The following DIP2C variants were observed in gnomAD, a reference collection of about 807,000 sequenced individuals.
DIP2C encodes DIP2 acetate--CoA ligase C (putative).
A neutral mutation model predicts 192.4 loss-of-function variants in DIP2C; 33 were observed. The observed-to-expected ratio is 0.17, with a 90% CI of 0.13 to 0.23. DIP2C has a LOEUF of 0.23. DIP2C is among the 10% of genes least tolerant of loss of function. The probability of loss-of-function intolerance (pLI) is 1.00; values close to 1 mark genes in which losing one functional copy is unlikely to be tolerated. For synonymous variants in DIP2C, 979 were observed against 864.1 expected (o/e 1.13, Z -2.33); for missense variants, 1,537 against 2,110.1 (o/e 0.73, Z 5.32).
intron 29 of DIP2C, chr10:340,960 C>T (rs1269697271): frequency 1.6e-6 from 1 of 627,266 alleles, no homozygotes; most frequent in Non-Finnish European, 3.0e-6. Context: ...TAAAGGTCCG[C>T]AACAGACGGC....
chr10:422,590 C>T (rs531162928), intron 5 of DIP2C, among the ~76,000 whole-genome samples: 25 of 152,284 alleles, frequency 1.6e-4, no homozygotes, highest in African/African-American at 4.1e-4. Flanking sequence ...GGAGCGGATA[C>T]GGCTGCAGGA....
chr10:664,596 A>C (rs1856974039), intron 1 of DIP2C: 1 of 152,238 alleles, frequency 6.6e-6, no homozygotes, highest in Admixed American at 6.5e-5. Flanking sequence ...TGTCCGGGTT[A>C]ATCAACATTA....
In DIP2C at chr10:281,452, C is replaced by T. The variant is rs1446702223; in HGVS notation, c.4295-129G>A. ...GATGCAAAGGAAGGGGCTCACGGAT[C>T]CAGGGACGTTTGTTTCCTTCTGCCA... On this transcript the variant is annotated intron_variant, in intron 35 of 36. Coordinates refer to ENST00000280886, the MANE Select transcript of DIP2C (RefSeq NM_014974.3). The T allele has an allele frequency of 1.1e-5, 14 of 1,318,372 alleles. No individual in the cohort carries two copies. In the South Asian group the frequency reaches 2.4e-4, roughly 22 times the overall value. The allele number at this position is 1,318,372 out of a possible 1,614,324, so 81.7% of individuals were successfully genotyped here.
chr10:493,848 C>T (rs982614258), intron 1 of DIP2C, among the ~76,000 whole-genome samples: 2 of 152,234 alleles, frequency 1.3e-5, no homozygotes, highest in Admixed American at 6.5e-5. Context: ...TCAGCAAGTC[C>T]GAGATGCCCA....
chr10:363,397 C>T lies in DIP2C; in HGVS notation c.2478-86G>A. 1.8e-6 allele frequency: 2 copies of T among 1,139,322 alleles called. No individual in the cohort carries two copies. The highest frequency in any genetic ancestry group is 2.4e-5 in the East Asian group (1 of 41,182). The allele number at this position is 1,139,322 out of a possible 1,614,324, so 70.6% of individuals were successfully genotyped here. A position where few individuals can be genotyped will look rare whatever the true frequency, so the allele number is the denominator to read the frequency against. On this transcript the variant is annotated intron_variant, in intron 20 of 36. Coordinates refer to ENST00000280886, the MANE Select transcript of DIP2C (RefSeq NM_014974.3). The surrounding 1 kb of genome is among the most constrained non-coding windows in gnomAD (Gnocchi z 5.4). Reference sequence around the variant, plus strand: ...GCCATCAGGGGCTCCATAACCATCACTAGTGAGTGACACAGCTCCAACTAC... The same window carrying T: ...GCCATCAGGGGCTCCATAACCATCATTAGTGAGTGACACAGCTCCAACTAC...
intron 4 of DIP2C, among the ~76,000 whole-genome samples, chr10:429,793 A>AT (rs1966839735): frequency 6.6e-6 from 1 of 152,028 alleles, no homozygotes; most frequent in Non-Finnish European, 1.5e-5. Context: ...ACTGAGGGGC[A>AT]TTTTGGTTGC....
At chr10:313,974 A>G (rs1271466875) in intron 31 of DIP2C, among the ~76,000 whole-genome samples, 1 of 152,236 alleles carries the variant, frequency 6.6e-6, no homozygotes, top group Non-Finnish European at 1.5e-5. Flanking sequence ...TAGTAAATAG[A>G]AATGTGTGAA....
chr10:527,105 C>T (rs1316827192), intron 1 of DIP2C, among the ~76,000 whole-genome samples: 2 of 152,242 alleles, frequency 1.3e-5, no homozygotes, highest in Non-Finnish European at 2.9e-5. Context: ...CTCCACCCAT[C>T]GCATCTGGCC....
intron 3 of DIP2C, among the ~76,000 whole-genome samples, chr10:445,544 C>A (rs1183271907): frequency 6.6e-6 from 1 of 150,940 alleles, no homozygotes; most frequent in Non-Finnish European, 1.5e-5. Context: ...TGCGAAGAGT[C>A]TCACAGTCCA....
chr10:615,789 G>A (rs1454835200), intron 1 of DIP2C, among the ~76,000 whole-genome samples: 3 of 152,102 alleles, frequency 2.0e-5, no homozygotes, highest in Non-Finnish European at 2.9e-5. Context: ...TGCGTCTCAT[G>A]CGTGAGATTA....
rs1963330935 is a variant in DIP2C, at chr10:390,009, C to A, written c.1579G>T (p.Ala527Ser). Reference sequence around the variant, plus strand: ...ACCCCACCTTCCGTGTAGCCACACGCCTGCGTCAGGGCCTGGCAGTGTGTC... The same window carrying A: ...ACCCCACCTTCCGTGTAGCCACACGACTGCGTCAGGGCCTGGCAGTGTGTC... The part of the protein sequence containing the change: ...LLTHCQALTQ[A>S]CGYTEAETIV... Residue 527 changes from alanine to serine, a missense_variant, in exon 13 of 37, where the codon GCG (alanine) becomes TCG (serine). Around this residue, in one of 4 missense-constraint regions of DIP2C, gnomAD observed 677 missense variants for 989.9 expected, o/e 0.68. Coordinates refer to ENST00000280886, the MANE Select transcript of DIP2C (RefSeq NM_014974.3). 1.2e-6 allele frequency: 2 copies of A among 1,613,750 alleles called. No homozygotes were observed. Among genetic ancestry groups the A allele is most frequent in the African/African-American group, 2.7e-5 (2 of 74,942 alleles).
At chr10:411,568 C>G (rs1310771480) in intron 8 of DIP2C, among the ~76,000 whole-genome samples, 1 of 152,096 alleles carries the variant, frequency 6.6e-6, no homozygotes, top group Non-Finnish European at 1.5e-5. Context: ...AGAATACAGC[C>G]CCTTCAGTTA....
chr10:481,177 G>A (rs1296551164), intron 2 of DIP2C, among the ~76,000 whole-genome samples: 2 of 152,186 alleles, frequency 1.3e-5, no homozygotes, highest in African/African-American at 2.4e-5. Flanking sequence ...CTGCTGACAC[G>A]AGGAATCAGA....
intron 1 of DIP2C, among the ~76,000 whole-genome samples, chr10:521,282 C>T (rs1317088242): frequency 6.6e-6 from 1 of 152,180 alleles, no homozygotes; most frequent in Non-Finnish European, 1.5e-5. Context: ...AACAACTGAA[C>T]ACCTCCCCTG....
intron 1 of DIP2C, among the ~76,000 whole-genome samples, chr10:545,408 G>A (rs745591425): frequency 4.3e-4 from 66 of 151,898 alleles, no homozygotes; most frequent in Non-Finnish European, 7.5e-4. Flanking sequence ...CACCCACCTC[G>A]GCCTCCCAAA....
chr10:281,075 A>C, intron 36 of DIP2C, 125 bp downstream of exon 36: 2 of 1,348,142 alleles, frequency 1.5e-6, no homozygotes, highest in Non-Finnish European at 2.0e-6. Context: ...TTTATAGTCA[A>C]ATGTTGAATC....
chr10:487,739 G>A (rs555432382), intron 1 of DIP2C, among the ~76,000 whole-genome samples: 21 of 151,934 alleles, frequency 1.4e-4, no homozygotes, highest in African/African-American at 4.1e-4. Flanking sequence ...CACCACGCCC[G>A]GCTAATTTTT....
chr10:638,014 G>A (rs948169753), intron 1 of DIP2C, among the ~76,000 whole-genome samples: 2 of 152,176 alleles, frequency 1.3e-5, no homozygotes. Context: ...AAACGTGGAA[G>A]GGCCAGATGC....
intron 29 of DIP2C, 105 bp downstream of exon 29, chr10:341,094 G>C: frequency 6.7e-7 from 1 of 1,503,512 alleles, no homozygotes; most frequent in South Asian, 1.2e-5. Flanking sequence ...CCTCTGGCAG[G>C]AGTGGGGGTG....
Sources: allele counts gnomAD v4.1 joint callset (sites outside exome capture counted in the v4.1 genomes callset), GRCh38; gene constraint gnomAD v4.1.1; regional missense constraint gnomAD v4.1.1; non-coding constraint Gnocchi (gnomAD v3.1); transcripts MANE v1.5; gene names NCBI Gene and HGNC (gene_info 2026-07-23, HGNC 2026-07-21).